PTPRD: variants seen among roughly 807,000 people sequenced by gnomAD.
PTPRD encodes receptor-type tyrosine-protein phosphatase delta.
PTPRD carries 34 observed loss-of-function variants against 214.5 expected under a neutral mutation model. The observed-to-expected ratio is 0.16, with a 90% CI of 0.12 to 0.21. The LOEUF (loss-of-function observed/expected upper bound fraction) is 0.21. Ranked by LOEUF, PTPRD falls within the 10% of genes least tolerant of loss-of-function variation. The pLI, the probability that PTPRD is intolerant of heterozygous loss-of-function variation, is 1.00. For synonymous variants in PTPRD, 1,128 were observed against 845.7 expected, an observed-to-expected ratio of 1.33 and a Z score of -5.79; for missense variants, 2,545 against 2,398.7, an observed-to-expected ratio of 1.06 and a Z score of -1.27.
chr9:9,267,380 A>G (rs1940425439), intron 9 of PTPRD, among the ~76,000 whole-genome samples: 2 of 151,314 alleles, frequency 1.3e-5, no homozygotes, highest in African/African-American at 4.8e-5. Context: ...GAACAGTCTA[A>G]TAATGAGTAA....
At chr9:9,500,145 C>G (rs1251713442) in intron 8 of PTPRD, among the ~76,000 whole-genome samples, 1 of 152,016 alleles carries the variant, frequency 6.6e-6, no homozygotes, top group East Asian at 1.9e-4. Flanking sequence ...TTTTGAAAAG[C>G]TACTTTTCAT....
intron 2 of PTPRD, among the ~76,000 whole-genome samples, chr9:10,401,301 G>T (rs2154495648): frequency 6.6e-6 from 1 of 151,642 alleles, no homozygotes; most frequent in South Asian, 2.1e-4. Flanking sequence ...ACAGGAGCTA[G>T]GTTCTGTCTT....
chr9:10,288,437 C>T (rs2095429291), intron 3 of PTPRD, among the ~76,000 whole-genome samples: 1 of 152,024 alleles, frequency 6.6e-6, no homozygotes, highest in Non-Finnish European at 1.5e-5. Flanking sequence ...CTTAATGACC[C>T]AAGTAAAGAA....
At chr9:9,323,951 G>A (rs1386986947) in intron 9 of PTPRD, among the ~76,000 whole-genome samples, 1 of 152,080 alleles carries the variant, frequency 6.6e-6, no homozygotes, top group Non-Finnish European at 1.5e-5. Flanking sequence ...TTGGTTTTCT[G>A]TCCTTGTGAC....
At chr9:9,816,229 C>T (rs1351245045) in intron 5 of PTPRD, among the ~76,000 whole-genome samples, 1 of 152,112 alleles carries the variant, frequency 6.6e-6, no homozygotes, top group Non-Finnish European at 1.5e-5. Flanking sequence ...AAAGTTCTAA[C>T]ATGTTTTATG....
chr9:8,999,859 A>G (rs998158216), intron 11 of PTPRD, among the ~76,000 whole-genome samples: 2 of 152,008 alleles, frequency 1.3e-5, no homozygotes, highest in African/African-American at 4.8e-5. Flanking sequence ...TTTGTGGAAC[A>G]GGGGGATGGG....
intron 11 of PTPRD, among the ~76,000 whole-genome samples, chr9:8,850,296 T>C (rs56343749): frequency 0.13 from 20,183 of 151,948 alleles, 1,617 homozygotes; most frequent in East Asian, 0.23. Context: ...GAGAAGTGGA[T>C]AGACATATGG....
chr9:10,091,449 G>A (rs1417405788), intron 3 of PTPRD, among the ~76,000 whole-genome samples: 2 of 151,392 alleles, frequency 1.3e-5, no homozygotes, highest in Non-Finnish European at 3.0e-5. Context: ...AGCAAGTAGA[G>A]TTATATGTCA....
intron 2 of PTPRD, among the ~76,000 whole-genome samples, chr9:10,394,148 CTA>C (rs111662849): frequency 3.2e-4 from 43 of 135,426 alleles, no homozygotes; most frequent in East Asian, 2.1e-3. Flanking sequence ...ATAAAGATAT[CTA>C]TATATATAGA....
At chr9:9,669,681 T>C (rs900636923) in intron 7 of PTPRD, among the ~76,000 whole-genome samples, 1 of 152,180 alleles carries the variant, frequency 6.6e-6, no homozygotes, top group Non-Finnish European at 1.5e-5. Flanking sequence ...AGTCAGAAAC[T>C]AAATTTTCAT....
intron 12 of PTPRD, among the ~76,000 whole-genome samples, chr9:8,668,827 A>G (rs962623371): frequency 6.6e-6 from 1 of 152,218 alleles, no homozygotes; most frequent in African/African-American, 2.4e-5. Context: ...GAGAACAAAA[A>G]GTGCAAAGTA....
intron 36 of PTPRD, among the ~76,000 whole-genome samples, chr9:8,400,594 C>A (rs2092217805): frequency 1.3e-5 from 2 of 152,088 alleles, no homozygotes; most frequent in African/African-American, 2.4e-5. Context: ...GCTTTTCCAC[C>A]CATGCTAAGT....
intron 3 of PTPRD, among the ~76,000 whole-genome samples, chr9:10,066,795 T>C (rs1277788522): frequency 1.3e-5 from 2 of 151,926 alleles, no homozygotes; most frequent in East Asian, 1.9e-4. Context: ...TGTTTTTGCT[T>C]CTGGATTGTT....
At chr9:9,227,166 C>A (rs2099960015) in intron 9 of PTPRD, among the ~76,000 whole-genome samples, 1 of 152,068 alleles carries the variant, frequency 6.6e-6, no homozygotes, top group Admixed American at 6.6e-5. Flanking sequence ...TTTCTACCAT[C>A]CCCGAAGTAC....
intron 5 of PTPRD, among the ~76,000 whole-genome samples, chr9:9,826,359 C>T (rs1489843938): frequency 4.0e-5 from 6 of 151,642 alleles, no homozygotes; most frequent in African/African-American, 1.5e-4. Flanking sequence ...TAATGTTGCT[C>T]ATTATTGTTT....
chr9:8,809,413 G>C (rs1434802488), intron 11 of PTPRD, among the ~76,000 whole-genome samples: 2 of 152,038 alleles, frequency 1.3e-5, no homozygotes, highest in Non-Finnish European at 2.9e-5. Flanking sequence ...ACTCCTCCAA[G>C]GTCTCATAGG....
chr9:10,512,046 A>C (rs1399139458), intron 2 of PTPRD, among the ~76,000 whole-genome samples: 1 of 140,126 alleles, frequency 7.1e-6, no homozygotes, highest in African/African-American at 2.7e-5. Flanking sequence ...ATATATATAC[A>C]CACACGTATA....
intron 3 of PTPRD, among the ~76,000 whole-genome samples, chr9:10,158,015 G>GTTTT (rs2099104464): frequency 1.3e-5 from 2 of 151,790 alleles, no homozygotes; most frequent in African/African-American, 4.8e-5. Flanking sequence ...TTGTTTGTTT[G>GTTTT]TTTGTTTGTT....
Position 10,199,903 on chromosome 9 carries a change from GCACACACGCA to G in PTPRD, c.-545+141050_-545+141059del, listed in dbSNP as rs752694537. Among the ~76,000 whole-genome samples, 1,266 of 149,332 alleles carry G rather than the reference GCACACACGCA, an allele frequency of 8.5e-3. 9 individuals are homozygous for G. Among genetic ancestry groups the G allele is most frequent in the African/African-American group, 0.024 (967 of 40,270 alleles). On this transcript the variant is annotated intron_variant, in intron 3 of 45. Transcript: ENST00000381196. ...AACACAAGTACATGGGCACTCGCGC[GCACACACGCA>G]CACACACACACACACACACACATCC... is the stretch of plus-strand genomic sequence containing the variant.
Sources: gnomAD v4.1 joint callset for allele counts (sites outside exome capture counted in the v4.1 genomes callset) on GRCh38, gnomAD v4.1.1 for gene constraint, MANE v1.5 for transcripts, NCBI Gene and HGNC (gene_info 2026-07-23, HGNC 2026-07-21) for gene names.